The following SPAG16 variants were observed in gnomAD, a reference collection of about 807,000 sequenced individuals.
SPAG16 encodes sperm-associated antigen 16 protein.
SPAG16 carries 86 observed loss-of-function variants against 80.4 expected under a neutral mutation model. That is an observed-to-expected ratio of 1.07 (90% CI 0.90 to 1.28). The LOEUF (loss-of-function observed/expected upper bound fraction) is 1.28, where lower values mean the gene tolerates loss of function less well. SPAG16 is among the 50% of genes most tolerant of loss of function. The pLI is 0.00. For missense variants in SPAG16, 870 were observed against 765.3 expected, an observed-to-expected ratio of 1.14 and a Z score of -1.61; for synonymous variants, 294 against 265.9, an observed-to-expected ratio of 1.11 and a Z score of -1.03.
chr2:213,329,269 A>C (rs2124839761), intron 5 of SPAG16, among the ~76,000 whole-genome samples: 1 of 152,358 alleles, frequency 6.6e-6, no homozygotes, highest in East Asian at 1.9e-4. Flanking sequence ...TGGAGGGCTC[A>C]GAAGCAGACA....
chr2:213,618,507 A>T (rs1254804143), intron 10 of SPAG16, among the ~76,000 whole-genome samples: 2 of 152,212 alleles, frequency 1.3e-5, no homozygotes, highest in Non-Finnish European at 2.9e-5. Context: ...ATTGCCATTT[A>T]TTTAAAGTAG....
intron 10 of SPAG16, among the ~76,000 whole-genome samples, chr2:213,615,613 TA>T (rs200236629): frequency 1.3e-5 from 2 of 151,844 alleles, no homozygotes; most frequent in African/African-American, 2.4e-5. Context: ...CAAAAACAAT[TA>T]AAAAAAACCC....
At chr2:214,277,495 T>C (rs1023926375) in intron 15 of SPAG16, among the ~76,000 whole-genome samples, 2 of 152,218 alleles carry the variant, frequency 1.3e-5, no homozygotes, top group Admixed American at 6.5e-5. Context: ...TTTCTTGATG[T>C]TGATGCTGTT....
At chr2:213,711,968 T>C (rs1209564138) in intron 10 of SPAG16, among the ~76,000 whole-genome samples, 1 of 152,152 alleles carries the variant, frequency 6.6e-6, no homozygotes, top group Non-Finnish European at 1.5e-5. Flanking sequence ...TACATATATA[T>C]AATGTATATT....
At chr2:213,674,743 C>T (rs2063973790) in intron 10 of SPAG16, among the ~76,000 whole-genome samples, 1 of 150,312 alleles carries the variant, frequency 6.7e-6, no homozygotes, top group African/African-American at 2.5e-5. Context: ...CATAGTATTC[C>T]ATGGTGTATA....
At chr2:213,323,516 C>G (rs2063715807) in intron 5 of SPAG16, among the ~76,000 whole-genome samples, 1 of 152,178 alleles carries the variant, frequency 6.6e-6, no homozygotes, top group African/African-American at 2.4e-5. Context: ...TTGCACATTA[C>G]TGGTGGGAAT....
chr2:213,834,356 A>G (rs2073963843), intron 10 of SPAG16, among the ~76,000 whole-genome samples: 1 of 152,188 alleles, frequency 6.6e-6, no homozygotes, highest in Non-Finnish European at 1.5e-5. Context: ...ACCCAGGGAA[A>G]ATGGTGTGTT....
chr2:213,516,593 T>C (rs1253979192), intron 10 of SPAG16, among the ~76,000 whole-genome samples: 3 of 152,180 alleles, frequency 2.0e-5, no homozygotes, highest in Non-Finnish European at 4.4e-5. Flanking sequence ...TGCCAGGCAC[T>C]ATTTTAGGTG....
At chr2:213,358,916 A>T (rs2065824125) in intron 7 of SPAG16, among the ~76,000 whole-genome samples, 1 of 151,904 alleles carries the variant, frequency 6.6e-6, no homozygotes, top group Non-Finnish European at 1.5e-5. Flanking sequence ...TTGGTGTTTG[A>T]TGTTAGTGAC....
rs1553706944 is a variant in SPAG16, at chr2:214,062,020, C to CACACACACACACACACAT, written c.1528-46176_1528-46175insACACACACACACACACAT. ...ACACACACACACACACACACACACACGCAGTGTGTAGTATTCAGAAGAAAG... is the reference window on the plus strand; with the variant it reads ...ACACACACACACACACACACACACACACACACACACACACACATGCAGTGTGTAGTATTCAGAAGAAAG... On this transcript the variant is annotated intron_variant, in intron 13 of 15. Transcript: ENST00000331683. 2.1e-3 allele frequency among the ~76,000 whole-genome samples: 315 copies of CACACACACACACACACAT among 146,652 alleles called. 7 individuals are homozygous for CACACACACACACACACAT. In the Middle Eastern group the frequency reaches 0.025, roughly 12 times the overall value.
At chr2:214,178,610 G>A (rs548819942) in intron 15 of SPAG16, among the ~76,000 whole-genome samples, 1 of 151,404 alleles carries the variant, frequency 6.6e-6, no homozygotes, top group South Asian at 2.1e-4. Flanking sequence ...ATAGAGTAAT[G>A]AGGCTGATTC....
chr2:213,880,261 C>G (rs1261756025), intron 11 of SPAG16, among the ~76,000 whole-genome samples: 4 of 151,984 alleles, frequency 2.6e-5, no homozygotes, highest in Admixed American at 1.3e-4. Flanking sequence ...TGTATTGGCT[C>G]CTTGTATGTC....
At chr2:213,976,135 T>TAC (rs1553685174) in intron 12 of SPAG16, among the ~76,000 whole-genome samples, 7,186 of 81,228 alleles carry the variant, frequency 0.088, 313 homozygotes, top group South Asian at 0.11. Context: ...TATATATATA[T>TAC]ACACACACAC....
intron 14 of SPAG16, among the ~76,000 whole-genome samples, chr2:214,147,533 T>C (rs185099732): frequency 6.6e-6 from 1 of 152,292 alleles, no homozygotes; most frequent in Admixed American, 6.5e-5. Flanking sequence ...TTCTGTGACT[T>C]CTCTCAGATC....
chr2:213,605,298 G>T lies in SPAG16; in HGVS notation c.1070+115208G>T, dbSNP rs143524193. On this transcript the variant is annotated intron_variant, in intron 10 of 15. Transcript: ENST00000331683. ...TTTTTTTTTTTTGAGATGGAGTCTC[G>T]CACTGTCACCCAGGCTGGAGTGCAG... Among the ~76,000 whole-genome samples, 80 of 142,802 alleles carry T rather than the reference G, an allele frequency of 5.6e-4. 1 individual carries two copies. Among genetic ancestry groups the T allele is most frequent in the African/African-American group, 2.0e-3 (78 of 38,180 alleles). 93.7% of individuals were successfully genotyped at this position (142,802 alleles called of 152,430 possible). A position where few individuals can be genotyped will look rare whatever the true frequency, so the allele number is the denominator to read the frequency against.
intron 12 of SPAG16, among the ~76,000 whole-genome samples, chr2:213,980,591 ATATATGTATATATGGAG>A (rs2045675749): frequency 7.1e-6 from 1 of 141,562 alleles, no homozygotes; most frequent in African/African-American, 2.7e-5. Context: ...TATATATAGA[ATATATGTATATATGGAG>A]TATATGTATA....
chr2:213,299,793 A>T lies in SPAG16; in HGVS notation c.279+2436A>T, dbSNP rs117825210. ...ATAGGAAATGTTATTAATCTATAAC[A>T]GTTATGTAGTTTGATTATACTATCA... On this transcript the variant is annotated intron_variant, in intron 3 of 15. Coordinates refer to ENST00000331683, the MANE Select transcript of SPAG16 (RefSeq NM_024532.5). 2.0e-5 allele frequency among the ~76,000 whole-genome samples: 3 copies of T among 152,314 alleles called. No individual in the cohort carries two copies. In the East Asian group the frequency reaches 5.8e-4, roughly 29 times the overall value.
intron 10 of SPAG16, among the ~76,000 whole-genome samples, chr2:213,821,858 C>G (rs945550470): frequency 1.3e-5 from 2 of 152,112 alleles, no homozygotes; most frequent in Non-Finnish European, 2.9e-5. Context: ...CTGGGTCCAT[C>G]CATGTTGTTG....
intron 10 of SPAG16, among the ~76,000 whole-genome samples, chr2:213,832,329 C>A (rs147635111): frequency 1.2e-4 from 18 of 152,068 alleles, no homozygotes; most frequent in African/African-American, 2.7e-4. Flanking sequence ...GAACACGATA[C>A]CCCGAAGTAT....
Sources: gnomAD v4.1 joint callset for allele counts (sites outside exome capture counted in the v4.1 genomes callset) on GRCh38, gnomAD v4.1.1 for gene constraint, MANE v1.5 for transcripts, NCBI Gene and HGNC (gene_info 2026-07-23, HGNC 2026-07-21) for gene names.